The following PLD5 variants were observed in gnomAD, a reference collection of about 807,000 sequenced individuals.
PLD5 encodes the protein inactive phospholipase D5.
In PLD5, 36 loss-of-function variants were observed where a neutral mutation model predicts 61.1. The ratio of observed to expected loss-of-function variants is 0.59; its 90% CI spans 0.45 to 0.78. The LOEUF (loss-of-function observed/expected upper bound fraction) is 0.78. Among genes scored for constraint, PLD5 ranks in the 30% least tolerant of loss-of-function variants. The pLI, the probability that PLD5 is intolerant of heterozygous loss-of-function variation, is 0.00. For missense variants in PLD5, 515 were observed against 644.4 expected, an observed-to-expected ratio of 0.80 and a Z score of 2.17; for synonymous variants, 243 against 242.8, an observed-to-expected ratio of 1.00 and a Z score of -0.01.
intron 1 of PLD5, among the ~76,000 whole-genome samples, chr1:242,454,528 A>G (rs1666887910): frequency 6.6e-6 from 1 of 152,224 alleles, no homozygotes; most frequent in Admixed American, 6.5e-5. Flanking sequence ...ATCACTTTCT[A>G]AAACCACCCA....
rs180767260 is a variant in PLD5 at position 242,408,962 on chromosome 1, G to A, written c.190-60720C>T. On this transcript the variant is annotated intron_variant, in intron 1 of 9. Transcript: ENST00000536534. ...GGTGCCTGTAATCCCAGCTACTCGG[G>A]AGGCTGAGGCAGGAGAATCACTTGA... Among the ~76,000 whole-genome samples the A allele has an allele frequency of 3.5e-3, 535 of 152,166 alleles. 5 individuals are homozygous for A. The highest frequency in any genetic ancestry group is 0.012 in the African/African-American group (506 of 41,514).
chr1:242,449,959 C>T (rs1214650672), intron 1 of PLD5, among the ~76,000 whole-genome samples: 7 of 152,180 alleles, frequency 4.6e-5, no homozygotes, highest in African/African-American at 1.7e-4. Context: ...CAAATCTGAA[C>T]AGGTGGAAAG....
chr1:242,181,510 C>T (rs79050181), intron 5 of PLD5, among the ~76,000 whole-genome samples: 2,232 of 152,194 alleles, frequency 0.015, 28 homozygotes, highest in Non-Finnish European at 0.024. Flanking sequence ...GCATAACATA[C>T]ATGGTCTCAT....
chr1:242,394,788 GTGAATATATATGTGTATA>G (rs1226597391), intron 1 of PLD5, among the ~76,000 whole-genome samples: 1 of 88,330 alleles, frequency 1.1e-5, no homozygotes, highest in Non-Finnish European at 2.1e-5. Flanking sequence ...GTGTATATAT[GTGAATATATATGTGTATA>G]TATGTGAATA....
At chr1:242,124,275 T>C (rs1055700920) in intron 6 of PLD5, 193 bp downstream of exon 6, 2 of 550,064 alleles carry the variant, frequency 3.6e-6, no homozygotes, top group Non-Finnish European at 6.4e-6. Flanking sequence ...ACACAAGGAA[T>C]GATGATCAAG....
intron 5 of PLD5, among the ~76,000 whole-genome samples, chr1:242,143,242 G>A (rs1222801744): frequency 6.6e-6 from 1 of 151,582 alleles, no homozygotes; most frequent in Non-Finnish European, 1.5e-5. Context: ...TAGTAAAGGT[G>A]GGATTTCACC....
chr1:242,298,321 G>T (rs6429344), intron 2 of PLD5, among the ~76,000 whole-genome samples: 134,639 of 151,868 alleles, frequency 0.89, 59,827 homozygotes, highest in East Asian at 0.94. Flanking sequence ...GAAGTATAAT[G>T]GTAGCTATTA....
intron 1 of PLD5, among the ~76,000 whole-genome samples, chr1:242,366,576 G>A (rs1196519506): frequency 6.6e-6 from 1 of 151,990 alleles, no homozygotes; most frequent in Admixed American, 6.6e-5. Context: ...TAAAAATAAT[G>A]GCAACAAATT....
intron 1 of PLD5, chr1:242,365,148 T>G (rs1183987316): frequency 6.6e-6 from 1 of 152,196 alleles, no homozygotes; most frequent in Non-Finnish European, 1.5e-5. Flanking sequence ...AAGATAAAAG[T>G]TACTGAAGCT....
chr1:242,284,723 T>A (rs1674922873), intron 3 of PLD5, among the ~76,000 whole-genome samples: 1 of 152,064 alleles, frequency 6.6e-6, no homozygotes, highest in South Asian at 2.1e-4. Flanking sequence ...GGAGAGAAAT[T>A]CCACTACCTT....
chr1:242,318,286 GTTC>G (rs1307069360), intron 2 of PLD5, among the ~76,000 whole-genome samples: 3 of 152,134 alleles, frequency 2.0e-5, no homozygotes, highest in Admixed American at 6.5e-5. Context: ...CAGAGGGCAT[GTTC>G]TTCTACAGAG....
intron 1 of PLD5, among the ~76,000 whole-genome samples, chr1:242,441,892 T>G (rs961733974): frequency 6.6e-6 from 1 of 152,226 alleles, no homozygotes; most frequent in Non-Finnish European, 1.5e-5. Context: ...TTAAACTTAT[T>G]CCTTACAAAG....
At chr1:242,433,861 C>T (rs564139880) in intron 1 of PLD5, among the ~76,000 whole-genome samples, 10 of 152,244 alleles carry the variant, frequency 6.6e-5, no homozygotes, top group Non-Finnish European at 1.3e-4. Context: ...GGTCCTGAGA[C>T]CAGCGTGTGA....
chr1:242,238,871 A>T (rs1671812691), intron 4 of PLD5, among the ~76,000 whole-genome samples: 1 of 152,104 alleles, frequency 6.6e-6, no homozygotes, highest in Admixed American at 6.6e-5. Flanking sequence ...CTTTCGTTAA[A>T]GCTCACAGAA....
At chr1:242,252,070 A>C (rs1672733834) in intron 4 of PLD5, among the ~76,000 whole-genome samples, 1 of 152,144 alleles carries the variant, frequency 6.6e-6, no homozygotes, top group Non-Finnish European at 1.5e-5. Context: ...GAGTATTTGG[A>C]ATACCTTTTC....
At chr1:242,150,758 T>A (rs1233941265) in intron 5 of PLD5, among the ~76,000 whole-genome samples, 6 of 151,880 alleles carry the variant, frequency 4.0e-5, no homozygotes, top group Non-Finnish European at 8.8e-5. Context: ...TCTGTCAATC[T>A]TTTTCTTTTA....
intron 1 of PLD5, among the ~76,000 whole-genome samples, chr1:242,493,967 T>C (rs945685445): frequency 6.6e-6 from 1 of 152,202 alleles, no homozygotes; most frequent in Non-Finnish European, 1.5e-5. Flanking sequence ...CTCTTGAGAG[T>C]GAGCTCAGGT....
At chr1:242,145,995 A>T (rs960890674) in intron 5 of PLD5, among the ~76,000 whole-genome samples, 3 of 152,226 alleles carry the variant, frequency 2.0e-5, no homozygotes, top group African/African-American at 7.2e-5. Context: ...TTTACTTAAA[A>T]GTACATAGGA....
chr1:242,518,092 A>T (rs72765080), intron 1 of PLD5, among the ~76,000 whole-genome samples: 2,771 of 152,310 alleles, frequency 0.018, 34 homozygotes, highest in South Asian at 0.056. Flanking sequence ...ATGCCCAGGC[A>T]GGTAGTTCAA....
Sources: allele counts gnomAD v4.1 joint callset (sites outside exome capture counted in the v4.1 genomes callset), GRCh38; gene constraint gnomAD v4.1.1; transcripts MANE v1.5; gene names NCBI Gene and HGNC (gene_info 2026-07-23, HGNC 2026-07-21).